The following MYOCD variants were observed in gnomAD, a reference collection of about 807,000 sequenced individuals.
MYOCD encodes myocardin.
In MYOCD, 32 loss-of-function variants were observed where a neutral mutation model predicts 96.1. That is an observed-to-expected ratio of 0.33 (90% CI 0.25 to 0.45). The LOEUF (loss-of-function observed/expected upper bound fraction) is 0.45, where lower values mean the gene tolerates loss of function less well. MYOCD is among the 20% of genes least tolerant of loss of function. The pLI, the probability that MYOCD is intolerant of heterozygous loss-of-function variation, is 1.00. For missense variants in MYOCD, 1,133 were observed against 1,200.6 expected, an observed-to-expected ratio of 0.94 and a Z score of 0.83; for synonymous variants, 469 against 469.0, an observed-to-expected ratio of 1.00 and a Z score of 0.00.
intron 1 of MYOCD, among the ~76,000 whole-genome samples, chr17:12,670,253 C>T (rs1293237228): frequency 6.6e-6 from 1 of 152,220 alleles, no homozygotes; most frequent in African/African-American, 2.4e-5. Context: ...TGTTCTTCTA[C>T]TCCAATAGAT....
Position 12,756,574 on chromosome 17 carries a change from A to G in MYOCD, c.2202+17A>G. The stretch of plus-strand genomic sequence containing the variant: ...CAGCAAAAGGTAGGCACCTGAAAAA[A>G]GGCCTCAACCTGGGATTCACTTTGC... On this transcript the variant is annotated intron_variant, in intron 11 of 13. Transcript: ENST00000425538. 1 of 1,544,668 alleles carries G rather than the reference A, an allele frequency of 6.5e-7. No homozygotes were observed. Among genetic ancestry groups the G allele is most frequent in the Non-Finnish European group, 8.8e-7 (1 of 1,142,720 alleles).
chr17:12,753,390 A>G lies in MYOCD; in HGVS notation c.2058+44A>G, dbSNP rs751020671. The G allele has an allele frequency of 5.3e-6, 8 of 1,499,256 alleles. No individual in the cohort carries two copies. In the Admixed American group the frequency reaches 6.8e-5, roughly 13 times the overall value. The allele number at this position is 1,499,256 out of a possible 1,614,324, so 92.9% of individuals were successfully genotyped here. A position where few individuals can be genotyped will look rare whatever the true frequency, so the allele number is the denominator to read the frequency against. On this transcript the variant is annotated intron_variant, in intron 10 of 13. Transcript: ENST00000425538. Reference sequence around the variant, plus strand: ...ATGCCTGGTGCACACTTCTTTCTGGAAGTGGGTTACAAATTTTCAACTGCT... The same window carrying G: ...ATGCCTGGTGCACACTTCTTTCTGGGAGTGGGTTACAAATTTTCAACTGCT...
intron 1 of MYOCD, among the ~76,000 whole-genome samples, chr17:12,704,565 A>G (rs1424852904): frequency 6.6e-6 from 1 of 152,180 alleles, no homozygotes; most frequent in East Asian, 1.9e-4. Flanking sequence ...TCATAATACT[A>G]CCACTTATCA....
chr17:12,760,886 G>C (rs2033150282), intron 13 of MYOCD, 179 bp downstream of exon 13: 1 of 584,320 alleles, frequency 1.7e-6, no homozygotes, highest in African/African-American at 1.9e-5. Flanking sequence ...AGAAGGCTTA[G>C]TGGATGATTC....
intron 1 of MYOCD, among the ~76,000 whole-genome samples, chr17:12,702,979 G>A (rs1183637934): frequency 1.3e-5 from 2 of 151,824 alleles, no homozygotes; most frequent in South Asian, 2.1e-4. Context: ...ATTCATTCCT[G>A]AATATCTGTG....
intron 2 of MYOCD, among the ~76,000 whole-genome samples, chr17:12,712,223 G>C (rs1380414471): frequency 3.3e-5 from 5 of 152,164 alleles, no homozygotes; most frequent in Non-Finnish European, 5.9e-5. Flanking sequence ...GCTGCACTTA[G>C]AGAACGCTGC....
intron 9 of MYOCD, among the ~76,000 whole-genome samples, chr17:12,750,381 A>G (rs529283920): frequency 6.6e-6 from 1 of 152,228 alleles, no homozygotes; most frequent in East Asian, 1.9e-4. Flanking sequence ...TGTAATAAAG[A>G]GCTTTACAAA....
At chr17:12,718,965 G>A (rs2031730639) in intron 4 of MYOCD, among the ~76,000 whole-genome samples, 1 of 151,880 alleles carries the variant, frequency 6.6e-6, no homozygotes, top group South Asian at 2.1e-4. Flanking sequence ...TTTGAGGTCA[G>A]GAATTCAAGA....
At chr17:12,692,312 A>G (rs776106378) in intron 1 of MYOCD, among the ~76,000 whole-genome samples, 3 of 152,238 alleles carry the variant, frequency 2.0e-5, no homozygotes, top group Non-Finnish European at 2.9e-5. Flanking sequence ...CATCCAGAAA[A>G]TAGGTGGGCT....
intron 4 of MYOCD, chr17:12,720,155 G>T (rs1466677570): frequency 6.6e-6 from 1 of 151,998 alleles, no homozygotes; most frequent in Non-Finnish European, 1.5e-5. Context: ...CCTCCAAGTG[G>T]AGGCCGTATT....
Position 12,739,303 on chromosome 17 carries a change from C to T in MYOCD, c.692C>T (p.Pro231Leu). ...GKQGLGPPST[P>L]IAVHAAVKSK... Reference sequence around the variant, plus strand: ...CAGGGGCTTGGCCCCCCCAGCACCCCCATAGCCGTGCATGCTGCTGTAAAG... The same window carrying T: ...CAGGGGCTTGGCCCCCCCAGCACCCTCATAGCCGTGCATGCTGCTGTAAAG... Residue 231 changes from proline (P) to leucine (L), a missense_variant, in exon 7 of 14, where the codon CCC (proline) becomes CTC (leucine). Transcript: ENST00000425538. 6.2e-7 allele frequency: 1 copy of T among 1,605,660 alleles called. No individual in the cohort carries two copies. The highest frequency in any genetic ancestry group is 8.5e-7 in the Non-Finnish European group (1 of 1,176,658).
intron 13 of MYOCD, chr17:12,761,213 C>A: frequency 6.5e-6 from 1 of 154,450 alleles, no homozygotes; most frequent in Non-Finnish European, 1.4e-5. Context: ...CATTTATTTA[C>A]TTAAAAAATT....
Position 12,719,174 on chromosome 17 carries a change from C to CAAAAAAAAAAAAA in MYOCD, c.253+1771_253+1783dup, listed in dbSNP as rs71144920. Reference sequence around the variant, plus strand: ...GGGGCCACAGAGGGAGACTCTGTCTCAAAAAAAAAAAAAAAAAAAAAAAAA... The same window carrying CAAAAAAAAAAAAA: ...GGGGCCACAGAGGGAGACTCTGTCTCAAAAAAAAAAAAAAAAAAAAAAAAAAAAAAAAAAAAAA... On this transcript the variant is annotated intron_variant, in intron 4 of 13. Coordinates refer to ENST00000425538, the MANE Select transcript of MYOCD (RefSeq NM_001146312.3). 1.7e-3 allele frequency among the ~76,000 whole-genome samples: 84 copies of CAAAAAAAAAAAAA among 49,146 alleles called. 6 individuals are homozygous for CAAAAAAAAAAAAA. The highest frequency in any genetic ancestry group is 2.8e-3 in the East Asian group (3 of 1,080). 32.2% of individuals were successfully genotyped at this position (49,146 alleles called of 152,430 possible).
intron 1 of MYOCD, among the ~76,000 whole-genome samples, chr17:12,699,621 C>T (rs1244298053): frequency 6.6e-6 from 1 of 152,118 alleles, no homozygotes; most frequent in African/African-American, 2.4e-5. Context: ...TAAAATTATG[C>T]TCATCGTTTT....
At chr17:12,739,840 A>G (rs1250369827) in intron 7 of MYOCD, among the ~76,000 whole-genome samples, 2 of 152,174 alleles carry the variant, frequency 1.3e-5, no homozygotes, top group Non-Finnish European at 2.9e-5. Flanking sequence ...TCAGCATTAT[A>G]TCTTTTTGTT....
At chr17:12,756,866 C>CTTCATTATTTCA (rs1412516430) in intron 11 of MYOCD, among the ~76,000 whole-genome samples, 52 of 152,184 alleles carry the variant, frequency 3.4e-4, no homozygotes, top group African/African-American at 1.2e-3. Context: ...CCTTTCAAGG[C>CTTCATTATTTCA]AGAAGTAAAT....
At chr17:12,684,707 A>G (rs2030001566) in intron 1 of MYOCD, among the ~76,000 whole-genome samples, 2 of 152,120 alleles carry the variant, frequency 1.3e-5, no homozygotes, top group East Asian at 1.9e-4. Context: ...TTATCCAGGC[A>G]TGGTGGCACA....
intron 5 of MYOCD, among the ~76,000 whole-genome samples, chr17:12,734,226 C>A (rs975746648): frequency 3.3e-5 from 5 of 152,076 alleles, no homozygotes; most frequent in African/African-American, 1.2e-4. Context: ...AGAGAAGGTC[C>A]ACATGCATTT....
intron 11 of MYOCD, among the ~76,000 whole-genome samples, chr17:12,757,432 A>G (rs1451280412): frequency 6.6e-6 from 1 of 152,162 alleles, no homozygotes; most frequent in Non-Finnish European, 1.5e-5. Flanking sequence ...CAAAATACCC[A>G]GTTTGGAATA....
Sources: gnomAD v4.1 joint callset for allele counts (sites outside exome capture counted in the v4.1 genomes callset) on GRCh38, gnomAD v4.1.1 for gene constraint, MANE v1.5 for transcripts, NCBI Gene and HGNC (gene_info 2026-07-23, HGNC 2026-07-21) for gene names.